USP44: variants seen among roughly 807,000 people sequenced by gnomAD.
The protein encoded by USP44 is ubiquitin carboxyl-terminal hydrolase 44.
In USP44, 61 loss-of-function variants were observed where a neutral mutation model predicts 69.0. That is an observed-to-expected ratio of 0.88 (90% CI 0.72 to 1.09). The LOEUF is 1.09. USP44 is among the 50% of genes least tolerant of loss of function. The probability of loss-of-function intolerance (pLI) is 0.00; values close to 1 mark genes in which losing one functional copy is unlikely to be tolerated. For synonymous variants in USP44, 297 were observed against 295.4 expected (o/e 1.01, Z -0.06); for missense variants, 753 against 849.9 (o/e 0.89, Z 1.42).
At chr12:95,529,108 C>T in intron 2 of USP44, 106 bp from the exon 3 acceptor site, 1 of 973,616 alleles carries the variant, frequency 1.0e-6, no homozygotes, top group Non-Finnish European at 1.4e-6. Flanking sequence ...CATGAAAATG[C>T]ACCATTAGGA....
At chr12:95,549,742 T>C (rs1179497623) in intron 1 of USP44, among the ~76,000 whole-genome samples, 4 of 152,176 alleles carry the variant, frequency 2.6e-5, no homozygotes, top group African/African-American at 9.7e-5. Context: ...CATCATCAGT[T>C]TTATTCTGGG....
intron 3 of USP44, 80 bp downstream of exon 3, chr12:95,528,727 G>T (rs1592694056): frequency 7.1e-7 from 1 of 1,414,684 alleles, no homozygotes. Context: ...AACTGCTAAA[G>T]ATTTCTTTCA....
chr12:95,539,125 T>G (rs189428097), intron 1 of USP44, among the ~76,000 whole-genome samples: 11 of 152,320 alleles, frequency 7.2e-5, no homozygotes, highest in African/African-American at 2.6e-4. Context: ...ATAATTCTCA[T>G]GCATTTAAAA....
intron 1 of USP44, among the ~76,000 whole-genome samples, chr12:95,543,397 A>G: frequency 7.3e-6 from 1 of 136,736 alleles, no homozygotes; most frequent in African/African-American, 2.8e-5. Context: ...ACAGAGTAAG[A>G]CTCTTTCTCA....
chr12:95,525,941 G>A (rs188319069), intron 3 of USP44, among the ~76,000 whole-genome samples: 5 of 152,294 alleles, frequency 3.3e-5, no homozygotes, highest in Admixed American at 6.5e-5. Context: ...CTTTCTTCCA[G>A]GTGTCTAACC....
chr12:95,521,195 C>A lies in USP44; in HGVS notation c.1741G>T (p.Gly581Ter). ...RLHLKRFRWS[G>*]RNNREKIGVH... ...CCAATCTTCTCTCGGTTATTACGTC[C>A]TGACCACCTGTGAACAAACCAGTGT... The change falls in exon 5 of 6, where the codon GGA (glycine) becomes TGA (stop). Residue 581 changes from glycine (G) to a stop codon, truncating the protein, a stop_gained. Transcript: ENST00000258499. LOFTEE classifies it high-confidence loss of function. 1 of 1,614,172 alleles carries A rather than the reference C, an allele frequency of 6.2e-7. No homozygotes were observed. Among genetic ancestry groups the A allele is most frequent in the South Asian group, 1.1e-5 (1 of 91,080 alleles).
At chr12:95,547,506 A>G (rs1198317588) in intron 1 of USP44, among the ~76,000 whole-genome samples, 1 of 152,246 alleles carries the variant, frequency 6.6e-6, no homozygotes, top group Non-Finnish European at 1.5e-5. Context: ...ATTGAATCTC[A>G]TTGAGATTAT....
intron 3 of USP44, among the ~76,000 whole-genome samples, chr12:95,526,358 G>A (rs1261578147): frequency 1.3e-5 from 2 of 152,226 alleles, no homozygotes; most frequent in Non-Finnish European, 2.9e-5. Flanking sequence ...GGATCACGAG[G>A]TCAGGAGATC....
intron 1 of USP44, among the ~76,000 whole-genome samples, chr12:95,546,146 AT>A (rs990123088): frequency 5.3e-5 from 8 of 152,218 alleles, no homozygotes; most frequent in African/African-American, 1.7e-4. Context: ...ACATCAACAA[AT>A]TTACACATCA....
At chr12:95,525,228 T>C (rs946081104) in intron 3 of USP44, among the ~76,000 whole-genome samples, 20 of 152,240 alleles carry the variant, frequency 1.3e-4, no homozygotes, top group African/African-American at 3.1e-4. Flanking sequence ...CGTGCCACCA[T>C]GCCCGGCTAA....
chr12:95,528,106 T>G (rs2076909592), intron 3 of USP44, among the ~76,000 whole-genome samples: 1 of 152,216 alleles, frequency 6.6e-6, no homozygotes. Context: ...CCCAACGTGG[T>G]AGGATTACAG....
At chr12:95,541,427 A>G (rs1215381228) in intron 1 of USP44, among the ~76,000 whole-genome samples, 1 of 152,066 alleles carries the variant, frequency 6.6e-6, no homozygotes, top group East Asian at 1.9e-4. Flanking sequence ...AAAATATGCA[A>G]AATTTACCTG....
At chr12:95,524,183 C>A (rs141368730) in intron 4 of USP44, among the ~76,000 whole-genome samples, 1 of 151,882 alleles carries the variant, frequency 6.6e-6, no homozygotes, top group African/African-American at 2.4e-5. Flanking sequence ...CAGGTTCAAG[C>A]GATTCTCCCG....
intron 1 of USP44, among the ~76,000 whole-genome samples, chr12:95,544,923 C>T (rs943031895): frequency 7.2e-5 from 11 of 151,936 alleles, no homozygotes; most frequent in African/African-American, 1.9e-4. Flanking sequence ...AAAATAGCCA[C>T]GATTTTATAA....
In USP44 at chr12:95,536,611, T is replaced by C. The variant is rs147547247; in HGVS notation, c.-70-2285A>G. 4.6e-5 allele frequency among the ~76,000 whole-genome samples: 7 copies of C among 152,176 alleles called. No homozygotes were observed. In the East Asian group the frequency reaches 1.4e-3, roughly 29 times the overall value. On this transcript the variant is annotated intron_variant, in intron 1 of 5. Coordinates refer to ENST00000258499, the MANE Select transcript of USP44 (RefSeq NM_032147.5). ...AATGATTGACTCTACCTCCAAAATA[T>C]ACTGAGAATCTGACTTACTTAGTGC...
At chr12:95,529,385 G>A (rs531259818) in intron 2 of USP44, among the ~76,000 whole-genome samples, 37 of 151,322 alleles carry the variant, frequency 2.4e-4, no homozygotes, top group African/African-American at 8.5e-4. Flanking sequence ...TAAGTTTAAT[G>A]TATTTATGTC....
intron 5 of USP44, 133 bp from the exon 6 acceptor site, chr12:95,518,486 A>T: frequency 1.1e-6 from 1 of 889,630 alleles, no homozygotes; most frequent in South Asian, 1.8e-5. Flanking sequence ...TGAGAAATAT[A>T]GATTGGGCAG....
intron 1 of USP44, among the ~76,000 whole-genome samples, chr12:95,535,735 T>C (rs926992469): frequency 5.9e-5 from 9 of 152,218 alleles, no homozygotes; most frequent in African/African-American, 1.9e-4. Flanking sequence ...ACTTTTTTCA[T>C]TGATTTAATA....
chr12:95,543,966 C>CAAAAAAAAAAAAAAAAAAA (rs760105964), intron 1 of USP44, among the ~76,000 whole-genome samples: 1 of 47,682 alleles, frequency 2.1e-5, no homozygotes, highest in African/African-American at 7.0e-5. Context: ...GACTGCATCT[C>CAAAAAAAAAAAAAAAAAAA]AAAAAAAAAA....
Sources: allele counts gnomAD v4.1 joint callset (sites outside exome capture counted in the v4.1 genomes callset), GRCh38; gene constraint gnomAD v4.1.1; transcripts MANE v1.5; gene names NCBI Gene and HGNC (gene_info 2026-07-23, HGNC 2026-07-21).